The following RALYL variants were observed in gnomAD, a reference collection of about 807,000 sequenced individuals.
RALYL encodes the protein RALY RNA binding protein like.
A neutral mutation model predicts 35.1 loss-of-function variants in RALYL; 29 were observed. The ratio of observed to expected loss-of-function variants is 0.83; its 90% CI spans 0.61 to 1.13. The LOEUF (loss-of-function observed/expected upper bound fraction) is 1.13, where lower values mean the gene tolerates loss of function less well. RALYL is among the 50% of genes most tolerant of loss of function. The pLI, the probability that RALYL is intolerant of heterozygous loss-of-function variation, is 0.00. For synonymous variants in RALYL, 120 were observed against 127.6 expected, an observed-to-expected ratio of 0.94 and a Z score of 0.40; for missense variants, 359 against 360.4, an observed-to-expected ratio of 1.00 and a Z score of 0.03.
At chr8:84,359,402 A>T (rs1852498605) in intron 1 of RALYL, among the ~76,000 whole-genome samples, 1 of 151,982 alleles carries the variant, frequency 6.6e-6, no homozygotes, top group Non-Finnish European at 1.5e-5. Context: ...TCAAAGATAA[A>T]TTTGTTGTAA....
chr8:84,906,866 T>C (rs528528382), intron 8 of RALYL: 1 of 706,834 alleles, frequency 1.4e-6, no homozygotes, highest in East Asian at 1.3e-4. Context: ...GGCACAACCA[T>C]GCTGCACTAT....
At chr8:84,738,009 TA>T (rs1034732344) in intron 2 of RALYL, among the ~76,000 whole-genome samples, 2 of 152,052 alleles carry the variant, frequency 1.3e-5, no homozygotes, top group African/African-American at 4.8e-5. Context: ...TCAGACATTG[TA>T]CTAGGTGTTG....
At chr8:84,735,106 G>A (rs1353341781) in intron 2 of RALYL, among the ~76,000 whole-genome samples, 1 of 150,978 alleles carries the variant, frequency 6.6e-6, no homozygotes, top group Non-Finnish European at 1.5e-5. Context: ...AGTTTCATTT[G>A]CCATATTGAT....
chr8:84,442,691 G>T (rs2048466782), intron 1 of RALYL, among the ~76,000 whole-genome samples: 1 of 152,064 alleles, frequency 6.6e-6, no homozygotes, highest in South Asian at 2.1e-4. Context: ...CTACATTTTT[G>T]GTTGCAAGCT....
intron 1 of RALYL, among the ~76,000 whole-genome samples, chr8:84,338,312 G>T (rs1848190298): frequency 6.6e-6 from 1 of 151,830 alleles, no homozygotes; most frequent in South Asian, 2.1e-4. Context: ...ATATTGTATT[G>T]TTTTTACTTA....
chr8:84,621,849 T>C (rs1023104072), intron 2 of RALYL, among the ~76,000 whole-genome samples: 7 of 152,218 alleles, frequency 4.6e-5, no homozygotes, highest in African/African-American at 1.7e-4. Flanking sequence ...CTCTAGCCTA[T>C]GTGGATTTCT....
chr8:84,425,783 C>CTA (rs372367035), intron 1 of RALYL, among the ~76,000 whole-genome samples: 38,822 of 144,460 alleles, frequency 0.27, 5,298 homozygotes, highest in South Asian at 0.4. Flanking sequence ...AGTTTTTCTT[C>CTA]TGTGTGTGTG....
chr8:84,519,915 G>A (rs1038007932), intron 1 of RALYL, among the ~76,000 whole-genome samples: 3 of 152,124 alleles, frequency 2.0e-5, no homozygotes, highest in South Asian at 2.1e-4. Flanking sequence ...CATGGTCCTC[G>A]GCCCTCTGCC....
chr8:84,775,101 C>T (rs1388699951), intron 3 of RALYL, among the ~76,000 whole-genome samples: 1 of 152,050 alleles, frequency 6.6e-6, no homozygotes, highest in African/African-American at 2.4e-5. Flanking sequence ...AGGTGCCCAC[C>T]ACCACACCCA....
intron 5 of RALYL, among the ~76,000 whole-genome samples, chr8:84,850,644 A>G (rs1835657015): frequency 1.3e-5 from 2 of 152,262 alleles, no homozygotes; most frequent in Admixed American, 1.3e-4. Flanking sequence ...ATTTAAAACA[A>G]TAAAATATTA....
chr8:84,226,406 T>C (rs527315483), intron 1 of RALYL, among the ~76,000 whole-genome samples: 1 of 152,312 alleles, frequency 6.6e-6, no homozygotes, highest in South Asian at 2.1e-4. Context: ...TGTTTGTTTT[T>C]GTTTTGTTTT....
intron 1 of RALYL, among the ~76,000 whole-genome samples, chr8:84,202,352 T>C (rs1025107474): frequency 2.6e-5 from 4 of 151,204 alleles, no homozygotes; most frequent in Admixed American, 2.0e-4. Flanking sequence ...AAGTATTATA[T>C]GATCTATTGA....
chr8:84,739,205 C>A (rs1426227498), intron 2 of RALYL, among the ~76,000 whole-genome samples: 4 of 151,854 alleles, frequency 2.6e-5, no homozygotes, highest in African/African-American at 9.7e-5. Context: ...TCTGGTAATG[C>A]CATGGTGTTC....
chr8:84,864,738 C>T, intron 6 of RALYL: 2 of 577,260 alleles, frequency 3.5e-6, no homozygotes, highest in African/African-American at 1.9e-5. Context: ...GGGAGCTTGG[C>T]AGGCCTGGTT....
At chr8:84,363,062 C>A (rs139732096) in intron 1 of RALYL, among the ~76,000 whole-genome samples, 1 of 152,032 alleles carries the variant, frequency 6.6e-6, no homozygotes, top group Non-Finnish European at 1.5e-5. Flanking sequence ...AAAGCTGTCA[C>A]CACGCTTTTG....
intron 4 of RALYL, among the ~76,000 whole-genome samples, chr8:84,842,644 A>G (rs1018716643): frequency 1.3e-5 from 2 of 152,170 alleles, no homozygotes; most frequent in East Asian, 3.9e-4. Context: ...CTGATATCAA[A>G]GCCTGGCAGA....
chr8:84,863,471 C>T (rs748896132), intron 6 of RALYL, among the ~76,000 whole-genome samples: 3 of 152,060 alleles, frequency 2.0e-5, no homozygotes, highest in Non-Finnish European at 2.9e-5. Flanking sequence ...CTTGGTAAGC[C>T]GCCGTAGAGA....
intron 1 of RALYL, among the ~76,000 whole-genome samples, chr8:84,415,160 GTTT>G (rs755615169): frequency 1.2e-5 from 1 of 83,040 alleles, no homozygotes. Flanking sequence ...TTCTGCCTCT[GTTT>G]TTTTTTTTTT....
chr8:84,742,136 C>A (rs1327158064), intron 2 of RALYL, among the ~76,000 whole-genome samples: 1 of 151,908 alleles, frequency 6.6e-6, no homozygotes, highest in African/African-American at 2.4e-5. Flanking sequence ...GAAACACTGG[C>A]AAGGCTCTAA....
Sources: gnomAD v4.1 joint callset for allele counts (sites outside exome capture counted in the v4.1 genomes callset) on GRCh38, gnomAD v4.1.1 for gene constraint, MANE v1.5 for transcripts, NCBI Gene and HGNC (gene_info 2026-07-23, HGNC 2026-07-21) for gene names.